The following OLFM1 variants were observed in gnomAD, a reference collection of about 807,000 sequenced individuals.
OLFM1 encodes the protein noelin.
A neutral mutation model predicts 49.7 loss-of-function variants in OLFM1; 9 were observed. That is an observed-to-expected ratio of 0.18 (90% CI 0.11 to 0.32). The LOEUF (loss-of-function observed/expected upper bound fraction) is 0.32, where lower values mean the gene tolerates loss of function less well. Among genes scored for constraint, OLFM1 ranks in the 10% least tolerant of loss-of-function variants. The pLI is 1.00. For missense variants in OLFM1, 369 were observed against 661.8 expected (o/e 0.56, Z 4.85); for synonymous variants, 240 against 271.8 (o/e 0.88, Z 1.15).
At chr9:135,091,211 C>G (rs899792714) in intron 2 of OLFM1, among the ~76,000 whole-genome samples, 1 of 152,226 alleles carries the variant, frequency 6.6e-6, no homozygotes, top group Non-Finnish European at 1.5e-5. Flanking sequence ...GCCCACCAGC[C>G]TTTTGGCACA....
intron 5 of OLFM1, among the ~76,000 whole-genome samples, chr9:135,108,036 C>T (rs1830969765): frequency 1.3e-5 from 2 of 152,296 alleles, no homozygotes; most frequent in Non-Finnish European, 2.9e-5. Flanking sequence ...TGTCTTGATC[C>T]CCCAGCCTCG....
chr9:135,108,423 C>T (rs575459830), intron 5 of OLFM1, among the ~76,000 whole-genome samples: 2 of 152,132 alleles, frequency 1.3e-5, no homozygotes, highest in South Asian at 4.2e-4. Flanking sequence ...CACCTGAAGT[C>T]AGGAGTTTGA....
At chr9:135,089,455 G>T (rs1830649982) in intron 1 of OLFM1, among the ~76,000 whole-genome samples, 1 of 152,230 alleles carries the variant, frequency 6.6e-6, no homozygotes, top group African/African-American at 2.4e-5. Flanking sequence ...GACATGGGCA[G>T]CTCCGGTTTC....
Position 135,091,682 on chromosome 9 carries a change from T to TCTCACACACACACAGTCACACACAC in OLFM1, c.300+1338_300+1339insCTCACACACACACAGTCACACACAC, listed in dbSNP as rs1564270847. ...ACACACACAGTCACACACTCACACA[T>TCTCACACACACACAGTCACACACAC]AGTCTCACACACACACAGTCACACT... On this transcript the variant is annotated intron_variant, in intron 2 of 5. Coordinates refer to ENST00000371793, the MANE Select transcript of OLFM1 (RefSeq NM_001282611.2). Among the ~76,000 whole-genome samples, 13 of 13,284 alleles carry TCTCACACACACACAGTCACACACAC rather than the reference T, an allele frequency of 9.8e-4. 1 individual carries two copies. Among genetic ancestry groups the TCTCACACACACACAGTCACACACAC allele is most frequent in the Admixed American group, 2.9e-3 (4 of 1,370 alleles). 8.7% of individuals were successfully genotyped at this position (13,284 alleles called of 152,430 possible). A position where few individuals can be genotyped will look rare whatever the true frequency, so the allele number is the denominator to read the frequency against.
At chr9:135,083,644 A>G (rs1435938714), upstream of OLFM1, among the ~76,000 whole-genome samples, 3 of 152,224 alleles carry the variant, frequency 2.0e-5, no homozygotes, top group Non-Finnish European at 4.4e-5. Context: ...TCGGCAGCTC[A>G]GGCCAGCCGT....
At chr9:135,083,069 T>C (rs1054863657), upstream of OLFM1, among the ~76,000 whole-genome samples, 13 of 152,338 alleles carry the variant, frequency 8.5e-5, no homozygotes, top group African/African-American at 2.6e-4. Flanking sequence ...TTTGAATTCA[T>C]GTCAGGATCA....
chr9:135,099,399 C>T (rs1329133470), intron 4 of OLFM1, among the ~76,000 whole-genome samples: 2 of 152,052 alleles, frequency 1.3e-5, no homozygotes, highest in Admixed American at 1.3e-4. Flanking sequence ...AACTGGATTA[C>T]CTTTTTATTT....
At chr9:135,082,366 C>T (rs1317763286) in intron 1 of OLFM1, among the ~76,000 whole-genome samples, 4 of 150,688 alleles carry the variant, frequency 2.7e-5, no homozygotes, top group Non-Finnish European at 4.4e-5. Flanking sequence ...TAAACCCTGC[C>T]GCGGGGATTT....
rs1830700630 is a variant in OLFM1 at position 135,091,665 on chromosome 9, A to ATAGTCACACACACACC, written c.300+1321_300+1322insTAGTCACACACACACC. Among the ~76,000 whole-genome samples the ATAGTCACACACACACC allele has an allele frequency of 7.5e-5, 4 of 53,010 alleles. 1 individual carries two copies. In the South Asian group the frequency reaches 2.6e-3, roughly 35 times the overall value. The allele number at this position is 53,010 out of a possible 152,430, so 34.8% of individuals were successfully genotyped here. On this transcript the variant is annotated intron_variant, in intron 2 of 5. Transcript: ENST00000371793. Reference sequence around the variant, plus strand: ...CACACTCACATAGTCACACACACACAGTCACACACTCACACATAGTCTCAC... The same window carrying ATAGTCACACACACACC: ...CACACTCACATAGTCACACACACACATAGTCACACACACACCGTCACACACTCACACATAGTCTCAC...
chr9:135,091,686 C>CACACACACAG lies in OLFM1; in HGVS notation c.300+1342_300+1343insACACACACAG, dbSNP rs879403147. Reference sequence around the variant, plus strand: ...ACACAGTCACACACTCACACATAGTCTCACACACACACAGTCACACTCACA... The same window carrying CACACACACAG: ...ACACAGTCACACACTCACACATAGTCACACACACAGTCACACACACACAGTCACACTCACA... On this transcript the variant is annotated intron_variant, in intron 2 of 5. Coordinates refer to ENST00000371793, the MANE Select transcript of OLFM1 (RefSeq NM_001282611.2). Among the ~76,000 whole-genome samples, 70 of 39,034 alleles carry CACACACACAG rather than the reference C, an allele frequency of 1.8e-3. 13 individuals are homozygous for CACACACACAG. The highest frequency in any genetic ancestry group is 8.2e-3 in the African/African-American group (66 of 8,096). The allele number at this position is 39,034 out of a possible 152,430, so 25.6% of individuals were successfully genotyped here. A position where few individuals can be genotyped will look rare whatever the true frequency, so the allele number is the denominator to read the frequency against.
intron 1 of OLFM1, 70 bp from the exon 2 acceptor site, chr9:135,090,125 G>T (rs1041231508): frequency 4.3e-6 from 6 of 1,404,236 alleles, no homozygotes; most frequent in Non-Finnish European, 5.8e-6. Context: ...CTGGTTGTTG[G>T]CTCTGATACA....
Position 135,095,982 on chromosome 9 carries a change from A to T in OLFM1, c.419A>T (p.Glu140Val). 6.5e-7 allele frequency: 1 copy of T among 1,530,568 alleles called. No individual in the cohort carries two copies. Among genetic ancestry groups the T allele is most frequent in the Non-Finnish European group, 8.8e-7 (1 of 1,130,806 alleles). 94.8% of individuals were successfully genotyped at this position (1,530,568 alleles called of 1,614,324 possible). A position where few individuals can be genotyped will look rare whatever the true frequency, so the allele number is the denominator to read the frequency against. ...KGLESKFKQVEESHKQHLARQ... is the reference protein window; with the variant it reads ...KGLESKFKQVVESHKQHLARQ... ...CTGGAGTCCAAGTTCAAACAGGTGG[A>T]GGAGAGTCATAAGCAACACCTGGCC... The change falls in exon 3 of 6, where the codon GAG becomes GTG. Residue 140 changes from glutamate to valine, a missense_variant. Around this residue, in one of 3 missense-constraint regions of OLFM1, gnomAD observed 294 missense variants for 567.5 expected, o/e 0.52. Transcript: ENST00000371793.
intron 5 of OLFM1, among the ~76,000 whole-genome samples, chr9:135,114,124 T>C (rs1008038783): frequency 2.4e-5 from 1 of 41,174 alleles, no homozygotes; most frequent in Non-Finnish European, 4.2e-5. Flanking sequence ...CTTGAGATTC[T>C]TTTTTTTTTT....
At chr9:135,079,094 T>C (rs1410217661) in intron 1 of OLFM1, among the ~76,000 whole-genome samples, 1 of 152,226 alleles carries the variant, frequency 6.6e-6, no homozygotes, top group Non-Finnish European at 1.5e-5. Flanking sequence ...CAATGTTAAG[T>C]GAGTCCAAAC....
intron 5 of OLFM1, among the ~76,000 whole-genome samples, chr9:135,109,794 A>G (rs1056916071): frequency 2.0e-5 from 3 of 152,094 alleles, no homozygotes; most frequent in African/African-American, 7.2e-5. Context: ...GGTGTGGCCA[A>G]GGGCAGAGGG....
At chr9:135,085,439 T>C (rs1189444155), upstream of OLFM1, among the ~76,000 whole-genome samples, 6 of 152,260 alleles carry the variant, frequency 3.9e-5, no homozygotes, top group Non-Finnish European at 8.8e-5. Context: ...CATATGACCT[T>C]GGACAGGTCT....
Position 135,098,417 on chromosome 9 carries a change from A to G in OLFM1, c.588A>G (p.Gln196=). The change falls in exon 4 of 6, where the codon CAA becomes CAG. Residue 196 remains glutamine, a synonymous_variant. Coordinates refer to ENST00000371793, the MANE Select transcript of OLFM1 (RefSeq NM_001282611.2). This position sits in a 1 kb window ranked among gnomAD's most constrained non-coding sequence, Gnocchi z 5.6. ...QNLTSVLNEL[Q]EEIGAYDYDE... The stretch of plus-strand genomic sequence containing the variant: ...TGACGTCAGTGCTTAACGAGCTGCA[A>G]GAGGAAATTGGCGCCTATGACTACG... 6.2e-7 allele frequency: 1 copy of G among 1,613,950 alleles called. No homozygotes were observed.
chr9:135,108,201 G>T (rs1254373224), intron 5 of OLFM1, among the ~76,000 whole-genome samples: 10 of 152,224 alleles, frequency 6.6e-5, no homozygotes, highest in African/African-American at 2.2e-4. Flanking sequence ...TTAATTAGCT[G>T]TGAAGACTCT....
chr9:135,114,470 G>C (rs769910434), intron 5 of OLFM1, among the ~76,000 whole-genome samples: 12 of 152,202 alleles, frequency 7.9e-5, no homozygotes, highest in Admixed American at 3.9e-4. Flanking sequence ...CCCATTTGCA[G>C]GTCCCAGGAT....
Sources: allele counts gnomAD v4.1 joint callset (sites outside exome capture counted in the v4.1 genomes callset), GRCh38; gene constraint gnomAD v4.1.1; regional missense constraint gnomAD v4.1.1; non-coding constraint Gnocchi (gnomAD v3.1); transcripts MANE v1.5; gene names NCBI Gene and HGNC (gene_info 2026-07-23, HGNC 2026-07-21).